Variants in DES observed in about 807,000 individuals in gnomAD.
The protein encoded by DES is desmin.
DES carries 34 observed loss-of-function variants against 55.1 expected under a neutral mutation model. That is an observed-to-expected ratio of 0.62 (90% CI 0.47 to 0.82). DES has a LOEUF of 0.82. DES is among the 40% of genes least tolerant of loss of function. The pLI is 0.00. For missense variants in DES, 596 were observed against 645.9 expected, an observed-to-expected ratio of 0.92 and a Z score of 0.84; for synonymous variants, 259 against 270.8, an observed-to-expected ratio of 0.96 and a Z score of 0.43.
chr2:219,424,457 C>T (rs1028265449), intron 7 of DES, among the ~76,000 whole-genome samples: 5 of 152,202 alleles, frequency 3.3e-5, no homozygotes, highest in African/African-American at 1.2e-4. Context: ...TTGGCAGCTT[C>T]TCCTTTCCTA....
intron 8 of DES, 73 bp from the exon 9 acceptor site, chr2:219,425,876 T>C: frequency 6.2e-7 from 1 of 1,603,200 alleles, no homozygotes; most frequent in Non-Finnish European, 8.5e-7. Flanking sequence ...GGCCCTGGGG[T>C]GGGGATGGCT....
In DES at chr2:219,420,771, C is replaced by T; in HGVS notation, c.898-57C>T. On this transcript the variant is annotated intron_variant, in intron 4 of 8. Coordinates refer to ENST00000373960, the MANE Select transcript of DES (RefSeq NM_001927.4). This position sits in a 1 kb window ranked among gnomAD's most constrained non-coding sequence, Gnocchi z 6.0. ...CCCAGAGGCTTCATGCTCCCTTGCTCATCCCTACCCGTGCCCTGCATCCTT... is the reference window on the plus strand; with the variant it reads ...CCCAGAGGCTTCATGCTCCCTTGCTTATCCCTACCCGTGCCCTGCATCCTT... 1 of 1,613,488 alleles carries T rather than the reference C, an allele frequency of 6.2e-7. No individual in the cohort carries two copies. The highest frequency in any genetic ancestry group is 8.5e-7 in the Non-Finnish European group (1 of 1,179,910).
intron 7 of DES, among the ~76,000 whole-genome samples, chr2:219,424,901 A>T (rs1954507535): frequency 6.6e-6 from 1 of 150,978 alleles, no homozygotes; most frequent in African/African-American, 2.4e-5. Flanking sequence ...GCTCATCTGA[A>T]TTTTTTTTTT....
Position 219,418,512 on chromosome 2 carries a change from C to A in DES, c.50C>A (p.Thr17Asn), listed in dbSNP as rs1954360300. The A allele has an allele frequency of 8.1e-6, 13 of 1,603,730 alleles. No individual in the cohort carries two copies. Among genetic ancestry groups the A allele is most frequent in the African/African-American group, 1.4e-5 (1 of 74,070 alleles). The change falls in exon 1 of 9, where the codon ACC (threonine) becomes AAC (asparagine). Residue 17 changes from threonine to asparagine, a missense_variant. By Grantham distance (65) the Thr-to-Asn change is moderately conservative. Coordinates refer to ENST00000373960, the MANE Select transcript of DES (RefSeq NM_001927.4). Reference protein sequence around the residue: ...SSQRVSSYRRTFGGAPGFPLG... With the variant: ...SSQRVSSYRRNFGGAPGFPLG... Reference sequence around the variant, plus strand: ...CAGCGCGTGTCCTCCTACCGCCGCACCTTCGGCGGGGCCCCGGGCTTCCCA... The same window carrying A: ...CAGCGCGTGTCCTCCTACCGCCGCAACTTCGGCGGGGCCCCGGGCTTCCCA...
chr2:219,425,875 G>T, intron 8 of DES, 74 bp from the exon 9 acceptor site: 1 of 1,604,416 alleles, frequency 6.2e-7, no homozygotes, highest in Non-Finnish European at 8.5e-7. Context: ...CGGCCCTGGG[G>T]TGGGGATGGC....
In DES at chr2:219,419,204, G is replaced by A. The variant is rs573877704; in HGVS notation, c.578+164G>A. Among the ~76,000 whole-genome samples, 136 of 152,322 alleles carry A rather than the reference G, an allele frequency of 8.9e-4. No homozygotes were observed. The highest frequency in any genetic ancestry group is 3.0e-3 in the African/African-American group (126 of 41,574). On this transcript the variant is annotated intron_variant, in intron 1 of 8. Coordinates refer to ENST00000373960, the MANE Select transcript of DES (RefSeq NM_001927.4). This position sits in a 1 kb window ranked among gnomAD's most constrained non-coding sequence, Gnocchi z 4.3. Reference sequence around the variant, plus strand: ...CTCCACCTGTGTGTTTCAAGGGGCCGTGACCTCCAGGTCTCTCCCCCTGCG... The same window carrying A: ...CTCCACCTGTGTGTTTCAAGGGGCCATGACCTCCAGGTCTCTCCCCCTGCG...
At position 219,418,864 on chromosome 2, in the gene DES, G is replaced by T; in HGVS notation, c.402G>T (p.Ala134=). 6.3e-7 allele frequency: 1 copy of T among 1,576,548 alleles called. No individual in the cohort carries two copies. The change falls in exon 1 of 9, where the codon GCG becomes GCT. Residue 134 remains alanine, a synonymous_variant. Coordinates refer to ENST00000373960, the MANE Select transcript of DES (RefSeq NM_001927.4). Reference sequence around the variant, plus strand: ...TGCGCTTCCTGGAGCAGCAGAACGCGGCGCTCGCCGCCGAAGTGAACCGGC... The same window carrying T: ...TGCGCTTCCTGGAGCAGCAGAACGCTGCGCTCGCCGCCGAAGTGAACCGGC... ...EKVRFLEQQN[A]ALAAEVNRLK...
At chr2:219,423,891 C>T (rs2125170630) in intron 7 of DES, 71 bp downstream of exon 7, 1 of 1,543,082 alleles carries the variant, frequency 6.5e-7, no homozygotes, top group Non-Finnish European at 9.0e-7. Context: ...CTGCCCAAGG[C>T]CAGCCAGGAG....
chr2:219,420,823 C>T lies in DES; in HGVS notation c.898-5C>T, dbSNP rs371053066. On this transcript the variant is annotated splice_region_variant and splice_polypyrimidine_tract_variant and intron_variant, in intron 4 of 8. Coordinates refer to ENST00000373960, the MANE Select transcript of DES (RefSeq NM_001927.4). The surrounding 1 kb of genome is among the most constrained non-coding windows in gnomAD (Gnocchi z 6.0). ...TCATTTTTGGGCCCCTTTCTCTGCC[C>T]TTAGGTGTCAGACCTGACCCAGGCA... 4 of 1,613,378 alleles carry T rather than the reference C, an allele frequency of 2.5e-6. No homozygotes were observed. Among genetic ancestry groups the T allele is most frequent in the African/African-American group, 1.3e-5 (1 of 74,888 alleles).
At chr2:219,421,254 C>G (rs1370449087) in intron 5 of DES, 86 bp from the exon 6 acceptor site, 9 of 1,443,082 alleles carry the variant, frequency 6.2e-6, no homozygotes, top group Non-Finnish European at 6.8e-6. Flanking sequence ...ACCTGACCAT[C>G]TGGAGTTGCC....
chr2:219,423,897 A>G, intron 7 of DES, 77 bp downstream of exon 7: 2 of 1,514,332 alleles, frequency 1.3e-6, no homozygotes, highest in Non-Finnish European at 1.8e-6. Flanking sequence ...AAGGCCAGCC[A>G]GGAGGGAGGA....
In DES at chr2:219,418,867, G is replaced by T. The variant is rs1344076921; in HGVS notation, c.405G>T (p.Ala135=). Residue 135 remains alanine, a synonymous_variant, in exon 1 of 9, where the codon GCG becomes GCT. Coordinates refer to ENST00000373960, the MANE Select transcript of DES (RefSeq NM_001927.4). ...GCTTCCTGGAGCAGCAGAACGCGGCGCTCGCCGCCGAAGTGAACCGGCTCA... is the reference window on the plus strand; with the variant it reads ...GCTTCCTGGAGCAGCAGAACGCGGCTCTCGCCGCCGAAGTGAACCGGCTCA... The part of the protein sequence containing the change: ...KVRFLEQQNA[A]LAAEVNRLKG... The T allele has an allele frequency of 6.4e-7, 1 of 1,574,744 alleles. No homozygotes were observed. The highest frequency in any genetic ancestry group is 1.2e-5 in the South Asian group (1 of 86,038).
At position 219,426,005 on chromosome 2, in the gene DES, T is replaced by A. The variant is rs1954529221; in HGVS notation, c.*15T>A. 6.2e-7 allele frequency: 1 copy of A among 1,613,986 alleles called. No individual in the cohort carries two copies. Among genetic ancestry groups the A allele is most frequent in the Non-Finnish European group, 8.5e-7 (1 of 1,179,970 alleles). On this transcript the variant is annotated 3_prime_UTR_variant, in exon 9 of 9. Transcript: ENST00000373960. This position sits in a 1 kb window ranked among gnomAD's most constrained non-coding sequence, Gnocchi z 4.5. ...AAGTGCTCTAAAGACAGAGACCCTCTGCCACCAGAGACCGTCCTCACCCCT... is the reference window on the plus strand; with the variant it reads ...AAGTGCTCTAAAGACAGAGACCCTCAGCCACCAGAGACCGTCCTCACCCCT...
chr2:219,425,763 G>T lies in DES; in HGVS notation c.1371+18G>T. 6.2e-7 allele frequency: 1 copy of T among 1,606,634 alleles called. No individual in the cohort carries two copies. The highest frequency in any genetic ancestry group is 1.1e-5 in the South Asian group (1 of 89,842). ...ATGGGGAGGTAAGTGGTCTGTCTGG[G>T]CTCCTTACCCTTGGTGGGGGCTATG... On this transcript the variant is annotated intron_variant, in intron 8 of 8. Coordinates refer to ENST00000373960, the MANE Select transcript of DES (RefSeq NM_001927.4).
At position 219,425,740 on chromosome 2, in the gene DES, G is replaced by A. The variant is rs397516690; in HGVS notation, c.1366G>A (p.Gly456Arg). ...GATCAAGACCATCGAGACACGGGAT[G>A]GGGAGGTAAGTGGTCTGTCTGGGCT... Reference protein sequence around the residue: ...VMIKTIETRDGEVVSEATQQQ... With the variant: ...VMIKTIETRDREVVSEATQQQ... Residue 456 changes from glycine (G) to arginine (R), a missense_variant, in exon 8 of 9, where the codon GGG becomes AGG. Physicochemically the swap from Gly to Arg is moderately radical, Grantham distance 125. Coordinates refer to ENST00000373960, the MANE Select transcript of DES (RefSeq NM_001927.4). The A allele has an allele frequency of 3.7e-6, 6 of 1,605,122 alleles. No individual in the cohort carries two copies. Among genetic ancestry groups the A allele is most frequent in the South Asian group, 2.2e-5 (2 of 89,204 alleles).
chr2:219,421,271 C>A (rs1430717097), intron 5 of DES, 69 bp from the exon 6 acceptor site: 7 of 1,562,796 alleles, frequency 4.5e-6, no homozygotes, highest in Non-Finnish European at 6.2e-6. Context: ...TGCCTGCCAG[C>A]CCCAAAGCTT....
At chr2:219,424,902 T>C (rs1035694401) in intron 7 of DES, among the ~76,000 whole-genome samples, 23 of 151,126 alleles carry the variant, frequency 1.5e-4, no homozygotes, top group African/African-American at 5.6e-4. Context: ...CTCATCTGAA[T>C]TTTTTTTTTC....
rs1173035608 is a variant in DES at position 219,418,435 on chromosome 2, G to A, written c.-28G>A. The A allele has an allele frequency of 3.9e-6, 6 of 1,553,390 alleles. No individual in the cohort carries two copies. Among genetic ancestry groups the A allele is most frequent in the Admixed American group, 3.7e-5 (2 of 54,356 alleles). The stretch of plus-strand genomic sequence containing the variant: ...CGCCTGCCCGCCGCCTCCTCCGTGC[G>A]CCCGCCAGCCTCGCCCGCGCCGTCA... On this transcript the variant is annotated 5_prime_UTR_variant, in exon 1 of 9. Coordinates refer to ENST00000373960, the MANE Select transcript of DES (RefSeq NM_001927.4).
intron 6 of DES, 75 bp from the exon 7 acceptor site, chr2:219,423,702 G>A: frequency 6.7e-7 from 1 of 1,485,860 alleles, no homozygotes; most frequent in South Asian, 1.1e-5. Context: ...GCCTTTCAAA[G>A]TGCTGGGATT....
Sources: gnomAD v4.1 joint callset for allele counts (sites outside exome capture counted in the v4.1 genomes callset) on GRCh38, gnomAD v4.1.1 for gene constraint, Gnocchi (gnomAD v3.1) non-coding constraint, MANE v1.5 for transcripts, NCBI Gene and HGNC (gene_info 2026-07-23, HGNC 2026-07-21) for gene names.